PHACTR1: variants seen among roughly 807,000 people sequenced by gnomAD.
The protein encoded by PHACTR1 is phosphatase and actin regulator 1.
In PHACTR1, 16 loss-of-function variants were observed where a neutral mutation model predicts 69.2. The observed-to-expected ratio is 0.23, with a 90% CI of 0.16 to 0.35. PHACTR1 has a LOEUF of 0.35. Among genes scored for constraint, PHACTR1 ranks in the 10% least tolerant of loss-of-function variants. The pLI is 1.00. For synonymous variants in PHACTR1, 312 were observed against 284.5 expected, an observed-to-expected ratio of 1.10 and a Z score of -0.97; for missense variants, 510 against 734.7, an observed-to-expected ratio of 0.69 and a Z score of 3.54.
chr6:12,735,578 G>A (rs73722811), intron 3 of PHACTR1, among the ~76,000 whole-genome samples: 5,121 of 152,284 alleles, frequency 0.034, 287 homozygotes, highest in African/African-American at 0.11. Flanking sequence ...GCACAATATT[G>A]CATAATTATG....
At chr6:13,113,168 TC>T (rs1377722375) in intron 5 of PHACTR1, among the ~76,000 whole-genome samples, 1 of 152,090 alleles carries the variant, frequency 6.6e-6, no homozygotes, top group Non-Finnish European at 1.5e-5. Flanking sequence ...GTCACTGCAC[TC>T]CAGCCTGAGT....
Position 13,160,970 on chromosome 6 carries a change from T to A in PHACTR1, c.496+686T>A, listed in dbSNP as rs888421287. 3.3e-5 allele frequency among the ~76,000 whole-genome samples: 5 copies of A among 152,116 alleles called. No individual in the cohort carries two copies. The East Asian group carries it at 9.6e-4, about 29-fold the overall frequency. On this transcript the variant is annotated intron_variant, in intron 6 of 14. Coordinates refer to ENST00000332995, the MANE Select transcript of PHACTR1 (RefSeq NM_030948.6). ...CTCCTCTTTTCTAAGAGCTTTATGG[T>A]ATTTTAGTTTATTATGTATATATTT...
intron 4 of PHACTR1, among the ~76,000 whole-genome samples, chr6:12,951,704 G>A (rs1791315299): frequency 6.6e-6 from 1 of 152,166 alleles, no homozygotes; most frequent in Admixed American, 6.6e-5. Flanking sequence ...CCCTGAGCCT[G>A]GCCTCCTAGC....
chr6:12,903,502 A>G (rs1275364164), intron 4 of PHACTR1, among the ~76,000 whole-genome samples: 2 of 152,212 alleles, frequency 1.3e-5, no homozygotes, highest in Non-Finnish European at 2.9e-5. Context: ...CCTTCTTGAC[A>G]TGGGTTGTTT....
chr6:12,744,001 C>T (rs1353725247), intron 3 of PHACTR1, among the ~76,000 whole-genome samples: 1 of 152,210 alleles, frequency 6.6e-6, no homozygotes, highest in Non-Finnish European at 1.5e-5. Flanking sequence ...GATTAAGAAA[C>T]TCACTCAAAA....
chr6:13,058,380 C>T (rs550863591), intron 5 of PHACTR1, among the ~76,000 whole-genome samples: 1 of 152,044 alleles, frequency 6.6e-6, no homozygotes, highest in East Asian at 1.9e-4. Context: ...GTCAGAATTC[C>T]CTTTGTGCTT....
intron 4 of PHACTR1, chr6:12,933,872 G>A (rs1789150860): frequency 6.2e-7 from 1 of 1,612,574 alleles, no homozygotes; most frequent in South Asian, 1.1e-5. Context: ...GCTGCCTTTA[G>A]AGGGGGAAGA....
At chr6:13,279,071 C>T (rs1362225635) in intron 12 of PHACTR1, among the ~76,000 whole-genome samples, 1 of 150,002 alleles carries the variant, frequency 6.7e-6, no homozygotes, top group Non-Finnish European at 1.5e-5. Context: ...TATTCTTTCC[C>T]TAGGAATTAA....
At chr6:13,084,073 G>A (rs545043398) in intron 5 of PHACTR1, among the ~76,000 whole-genome samples, 6 of 152,032 alleles carry the variant, frequency 3.9e-5, no homozygotes, top group Non-Finnish European at 8.8e-5. Flanking sequence ...ACACATGCAC[G>A]TGTATGTTTA....
At chr6:13,193,516 A>C (rs957195883) in intron 7 of PHACTR1, among the ~76,000 whole-genome samples, 43 of 151,328 alleles carry the variant, frequency 2.8e-4, no homozygotes, top group Non-Finnish European at 5.9e-4. Context: ...CCTCCCAAGT[A>C]GCTGGGACTA....
At chr6:13,229,426 G>A (rs1047187898) in intron 9 of PHACTR1, among the ~76,000 whole-genome samples, 1 of 152,118 alleles carries the variant, frequency 6.6e-6, no homozygotes, top group African/African-American at 2.4e-5. Flanking sequence ...CAGAAATGCT[G>A]GGGTTGAAAA....
In PHACTR1 at chr6:13,283,698, CA is replaced by C; in HGVS notation, c.1650+138del. 7.8e-7 allele frequency: 1 copy of C among 1,289,386 alleles called. No individual in the cohort carries two copies. Among genetic ancestry groups the C allele is most frequent in the Non-Finnish European group, 1.1e-6 (1 of 912,716 alleles). 79.9% of individuals were successfully genotyped at this position (1,289,386 alleles called of 1,614,324 possible). On this transcript the variant is annotated intron_variant, in intron 13 of 14. Coordinates refer to ENST00000332995, the MANE Select transcript of PHACTR1 (RefSeq NM_030948.6). This position sits in a 1 kb window ranked among gnomAD's most constrained non-coding sequence, Gnocchi z 4.7. ...TCCCCATAATGGAGTGTTGAGACCC[CA>C]ACACCTTTCCCCAGGGGCCACAGAT...
intron 4 of PHACTR1, among the ~76,000 whole-genome samples, chr6:12,924,897 T>A (rs1788113663): frequency 6.6e-6 from 1 of 152,202 alleles, no homozygotes; most frequent in Non-Finnish European, 1.5e-5. Context: ...TATTGCAAAT[T>A]GATGATCATA....
intron 4 of PHACTR1, among the ~76,000 whole-genome samples, chr6:12,802,665 G>A (rs1773844615): frequency 2.0e-5 from 3 of 152,092 alleles, no homozygotes. Flanking sequence ...ATCCCATCAA[G>A]TACAAGATAC....
chr6:12,915,235 G>C (rs1786840429), intron 4 of PHACTR1, among the ~76,000 whole-genome samples: 1 of 152,210 alleles, frequency 6.6e-6, no homozygotes, highest in South Asian at 2.1e-4. Context: ...GCCAGGGGCA[G>C]TGGCTCACGC....
In PHACTR1 at chr6:12,883,034, G is replaced by A. The variant is rs1783249522; in HGVS notation, c.250+133244G>A. The stretch of plus-strand genomic sequence containing the variant: ...GTTTAATGATTCTAGTGATGCTGCT[G>A]CCCTGGGGGAAGTAATCAGAGGCTG... On this transcript the variant is annotated intron_variant, in intron 4 of 14. Transcript: ENST00000332995. 2.0e-5 allele frequency among the ~76,000 whole-genome samples: 3 copies of A among 152,152 alleles called. No homozygotes were observed. In the South Asian group the frequency reaches 6.2e-4, roughly 32 times the overall value.
chr6:13,218,701 A>G (rs953543414), intron 8 of PHACTR1, among the ~76,000 whole-genome samples: 1 of 151,960 alleles, frequency 6.6e-6, no homozygotes, highest in African/African-American at 2.4e-5. Flanking sequence ...ACCTGTTAGT[A>G]CAAGCTACTC....
intron 4 of PHACTR1, among the ~76,000 whole-genome samples, chr6:12,844,425 A>G (rs1354773882): frequency 6.6e-6 from 1 of 152,078 alleles, no homozygotes; most frequent in Non-Finnish European, 1.5e-5. Flanking sequence ...AAATAAATAA[A>G]TAAAATAAAA....
At chr6:12,957,718 C>G (rs1046302959) in intron 4 of PHACTR1, 3 of 985,400 alleles carry the variant, frequency 3.0e-6, no homozygotes, top group South Asian at 9.4e-5. Context: ...TAAAATGGAC[C>G]CTTCATGCCA....
Sources: allele counts gnomAD v4.1 joint callset (sites outside exome capture counted in the v4.1 genomes callset), GRCh38; gene constraint gnomAD v4.1.1; non-coding constraint Gnocchi (gnomAD v3.1); transcripts MANE v1.5; gene names NCBI Gene and HGNC (gene_info 2026-07-23, HGNC 2026-07-21).